POU2F1: variants seen among roughly 807,000 people sequenced by gnomAD.
POU2F1 encodes POU class 2 homeobox 1.
A neutral mutation model predicts 84.9 loss-of-function variants in POU2F1; 16 were observed. The observed-to-expected ratio is 0.19, with a 90% CI of 0.13 to 0.29. The LOEUF is 0.29. Among genes scored for constraint, POU2F1 ranks in the 10% least tolerant of loss-of-function variants. The pLI is 1.00. For missense variants in POU2F1, 738 were observed against 942.6 expected, an observed-to-expected ratio of 0.78 and a Z score of 2.84; for synonymous variants, 368 against 368.3, an observed-to-expected ratio of 1.00 and a Z score of 0.01.
chr1:167,414,965 CG>C (rs1396661013), intron 15 of POU2F1, among the ~76,000 whole-genome samples: 2 of 152,150 alleles, frequency 1.3e-5, no homozygotes, highest in Admixed American at 1.3e-4. Flanking sequence ...ATTGTGGTGG[CG>C]TGGTTTCTGG....
At chr1:167,407,803 A>G (rs567949572) in intron 13 of POU2F1, among the ~76,000 whole-genome samples, 5 of 152,358 alleles carry the variant, frequency 3.3e-5, no homozygotes, top group African/African-American at 1.2e-4. Flanking sequence ...TAAAGTTGCT[A>G]GTAAATAAAG....
At chr1:167,269,735 A>G (rs1652227466) in intron 1 of POU2F1, among the ~76,000 whole-genome samples, 1 of 152,206 alleles carries the variant, frequency 6.6e-6, no homozygotes, top group Non-Finnish European at 1.5e-5. Flanking sequence ...CAACATGGCG[A>G]AACCTTGTCT....
intron 1 of POU2F1, among the ~76,000 whole-genome samples, chr1:167,292,951 A>G (rs1217345395): frequency 1.3e-5 from 2 of 152,218 alleles, no homozygotes; most frequent in Admixed American, 6.5e-5. Flanking sequence ...GATAAAATCC[A>G]GTATTCCTTT....
At chr1:167,235,612 C>T (rs1571135395) in intron 1 of POU2F1, among the ~76,000 whole-genome samples, 1 of 152,264 alleles carries the variant, frequency 6.6e-6, no homozygotes, top group Admixed American at 6.5e-5. Flanking sequence ...CAGATGTCCA[C>T]GCTTAGGTGT....
intron 4 of POU2F1, among the ~76,000 whole-genome samples, chr1:167,371,184 A>G (rs1458992536): frequency 6.6e-6 from 1 of 152,172 alleles, no homozygotes; most frequent in Non-Finnish European, 1.5e-5. Flanking sequence ...TTCATCCCTT[A>G]GAGAGATGTT....
At chr1:167,290,904 A>T (rs1653878532) in intron 1 of POU2F1, among the ~76,000 whole-genome samples, 1 of 151,918 alleles carries the variant, frequency 6.6e-6, no homozygotes, top group African/African-American at 2.4e-5. Flanking sequence ...AACCAGCTGG[A>T]TGTGGTTGGC....
chr1:167,221,079 T>G (rs1557824906), intron 1 of POU2F1, 121 bp downstream of exon 1: 115 of 847,450 alleles, frequency 1.4e-4, no homozygotes, highest in South Asian at 5.0e-4. Context: ...GGCGGGGAGA[T>G]GGGGGGCCGG....
intron 3 of POU2F1, among the ~76,000 whole-genome samples, chr1:167,368,873 A>G (rs1659845445): frequency 6.6e-6 from 1 of 152,158 alleles, no homozygotes. Context: ...TATCTGGTGT[A>G]TACAAAATGG....
chr1:167,412,397 GA>G, intron 14 of POU2F1, 93 bp downstream of exon 14: 10 of 1,109,390 alleles, frequency 9.0e-6, no homozygotes, highest in Non-Finnish European at 1.2e-5. Flanking sequence ...CTTAGATGGG[GA>G]AAAAAATGTC....
intron 1 of POU2F1, among the ~76,000 whole-genome samples, chr1:167,291,343 GTTAGA>G (rs1653910978): frequency 6.6e-6 from 1 of 152,142 alleles, no homozygotes; most frequent in Non-Finnish European, 1.5e-5. Context: ...TGCCTTTTAT[GTTAGA>G]TTTGATTCTA....
rs999058950 is a variant in POU2F1 at position 167,286,362 on chromosome 1, C to G, written c.62-46108C>G. Among the ~76,000 whole-genome samples, 4 of 152,142 alleles carry G rather than the reference C, an allele frequency of 2.6e-5. No individual in the cohort carries two copies. The East Asian group carries it at 7.7e-4, about 29-fold the overall frequency. ...ATCCTCATTGCTCCTGAGTTACTGT[C>G]TCATGTGGCACAGGATCAACCAGTA... is the stretch of plus-strand genomic sequence containing the variant. On this transcript the variant is annotated intron_variant, in intron 1 of 15. Transcript: ENST00000367866.
In POU2F1 at chr1:167,426,944, A is replaced by G. The variant is rs1650986532; in HGVS notation, c.*11134A>G. On this transcript the variant is annotated 3_prime_UTR_variant, in exon 16 of 16. Coordinates refer to ENST00000367866, the MANE Select transcript of POU2F1 (RefSeq NM_002697.4). The stretch of plus-strand genomic sequence containing the variant: ...CAAATATTTCCCCTCTGATAGGAAT[A>G]TTTTCTAAGAATCAGCTGATAACTT... The G allele has an allele frequency of 6.6e-6, 1 of 152,094 alleles. No homozygotes were observed. Among genetic ancestry groups the G allele is most frequent in the African/African-American group, 2.4e-5 (1 of 41,412 alleles). The allele number at this position is 152,094 out of a possible 1,614,324, so 9.4% of individuals were successfully genotyped here. A position where few individuals can be genotyped will look rare whatever the true frequency, so the allele number is the denominator to read the frequency against.
In POU2F1 at chr1:167,420,186, TCTGG is replaced by T. The variant is rs1557978358; in HGVS notation, c.*4377_*4380del. The T allele has an allele frequency of 7.9e-6, 1 of 125,806 alleles. No homozygotes were observed. The highest frequency in any genetic ancestry group is 1.8e-5 in the Non-Finnish European group (1 of 56,840). 7.8% of individuals were successfully genotyped at this position (125,806 alleles called of 1,614,324 possible). A position where few individuals can be genotyped will look rare whatever the true frequency, so the allele number is the denominator to read the frequency against. ...TTCATGTCTTTTTTTTTTTTTTTTTTCTGGTCTTGCTCTGTTGCCTAGGCTAGAG... is the reference window on the plus strand; with the variant it reads ...TTCATGTCTTTTTTTTTTTTTTTTTTTCTTGCTCTGTTGCCTAGGCTAGAG... On this transcript the variant is annotated 3_prime_UTR_variant, in exon 16 of 16. Coordinates refer to ENST00000367866, the MANE Select transcript of POU2F1 (RefSeq NM_002697.4).
intron 1 of POU2F1, among the ~76,000 whole-genome samples, chr1:167,240,511 A>G (rs2102369545): frequency 6.6e-6 from 1 of 152,330 alleles, no homozygotes; most frequent in African/African-American, 2.4e-5. Flanking sequence ...TGAAATAAAT[A>G]GAGAAGGGAT....
intron 1 of POU2F1, among the ~76,000 whole-genome samples, chr1:167,272,298 AC>A (rs1652420820): frequency 7.6e-6 from 1 of 131,688 alleles, no homozygotes; most frequent in African/African-American, 3.0e-5. Context: ...AGTAAATATT[AC>A]CTTTTTTTTT....
At chr1:167,304,060 G>T (rs1654889947) in intron 1 of POU2F1, among the ~76,000 whole-genome samples, 1 of 152,178 alleles carries the variant, frequency 6.6e-6, no homozygotes, top group Admixed American at 6.5e-5. Flanking sequence ...AATTCAGCTA[G>T]CTAGTGTAGA....
At chr1:167,338,422 G>A (rs867360851) in intron 2 of POU2F1, among the ~76,000 whole-genome samples, 1 of 152,190 alleles carries the variant, frequency 6.6e-6, no homozygotes, top group African/African-American at 2.4e-5. Context: ...GGAGTCAGAT[G>A]TTACATGCAG....
rs896661458 is a variant in POU2F1 at position 167,370,328 on chromosome 1, A to C, written c.282+114A>C. ...TGCTTAGAAGTATTACCTTTTCAAA[A>C]TTAGTGAATCTCGTGAAGATTCAAA... On this transcript the variant is annotated intron_variant, in intron 4 of 15. Transcript: ENST00000367866. The C allele has an allele frequency of 1.2e-5, 9 of 782,050 alleles. No homozygotes were observed. In the African/African-American group the frequency reaches 1.6e-4, roughly 14 times the overall value. 48.4% of individuals were successfully genotyped at this position (782,050 alleles called of 1,614,324 possible).
chr1:167,303,142 G>GTT (rs548782077), intron 1 of POU2F1, among the ~76,000 whole-genome samples: 2 of 146,720 alleles, frequency 1.4e-5, no homozygotes, highest in Non-Finnish European at 1.5e-5. Flanking sequence ...TGGAGATCAG[G>GTT]TTTTTTTTTT....
Sources: gnomAD v4.1 joint callset for allele counts (sites outside exome capture counted in the v4.1 genomes callset) on GRCh38, gnomAD v4.1.1 for gene constraint, MANE v1.5 for transcripts, NCBI Gene and HGNC (gene_info 2026-07-23, HGNC 2026-07-21) for gene names.